Variants in NME7 observed in about 807,000 individuals in gnomAD.
NME7 encodes the protein NME/NM23 family member 7, also known as nucleoside diphosphate kinase 7.
Under a neutral mutation model 49.1 loss-of-function variants are expected in NME7, and 41 were observed. The ratio of observed to expected loss-of-function variants is 0.83; its 90% CI spans 0.65 to 1.08. NME7 has a LOEUF of 1.08. NME7 is among the 50% of genes least tolerant of loss of function. The pLI is 0.00. For missense variants in NME7, 423 were observed against 463.4 expected (o/e 0.91, Z 0.80); for synonymous variants, 139 against 150.6 (o/e 0.92, Z 0.56).
intron 11 of NME7, among the ~76,000 whole-genome samples, chr1:169,158,039 T>G (rs1659129667): frequency 6.6e-6 from 1 of 152,292 alleles, no homozygotes; most frequent in Non-Finnish European, 1.5e-5. Flanking sequence ...TTTTACAAGT[T>G]TTAAAAAAGT....
chr1:169,260,079 T>G (rs1024808502), intron 7 of NME7, among the ~76,000 whole-genome samples: 1 of 133,764 alleles, frequency 7.5e-6, no homozygotes, highest in Admixed American at 7.3e-5. Context: ...TGCTAAGTGT[T>G]AAAAGAGACA....
Position 169,287,402 on chromosome 1 carries a change from C to T in NME7, c.655G>A (p.Glu219Lys). The T allele has an allele frequency of 3.1e-6, 5 of 1,588,812 alleles. No individual in the cohort carries two copies. Among genetic ancestry groups the T allele is most frequent in the Non-Finnish European group, 4.3e-6 (5 of 1,169,296 alleles). Residue 219 changes from glutamate to lysine, a missense_variant, in exon 7 of 12, where the codon GAG becomes AAG. Glu to Lys is a moderately conservative substitution (Grantham distance 56, BLOSUM62 1). Transcript: ENST00000367811. Reference protein sequence around the residue: ...DSFASAAREMELFFPSSGGCG... With the variant: ...DSFASAAREMKLFFPSSGGCG... ...CCTCCACTTGAAGGAAAAAACAACT[C>T]CATTTCCTAAAGACAGAGAGAAATG... is the stretch of plus-strand genomic sequence containing the variant.
At chr1:169,325,963 T>G (rs929717064) in intron 1 of NME7, among the ~76,000 whole-genome samples, 1 of 152,088 alleles carries the variant, frequency 6.6e-6, no homozygotes, top group Non-Finnish European at 1.5e-5. Flanking sequence ...TAGGTTTCAC[T>G]GTGCATTCTA....
At position 169,298,838 on chromosome 1, in the gene NME7, T is replaced by A. The variant is rs549160505; in HGVS notation, c.441-75A>T. On this transcript the variant is annotated intron_variant, in intron 5 of 11. Coordinates refer to ENST00000367811, the MANE Select transcript of NME7 (RefSeq NM_013330.5). ...TATTTGTCTTAACGACAGGATATAT[T>A]TAAATTGGATTATTTCAACATAGAC... 2.4e-5 allele frequency: 27 copies of A among 1,143,436 alleles called. No individual in the cohort carries two copies. In the African/African-American group the frequency reaches 3.6e-4, roughly 15 times the overall value. The allele number at this position is 1,143,436 out of a possible 1,614,324, so 70.8% of individuals were successfully genotyped here. A position where few individuals can be genotyped will look rare whatever the true frequency, so the allele number is the denominator to read the frequency against.
intron 7 of NME7, among the ~76,000 whole-genome samples, chr1:169,253,630 T>G: frequency 6.6e-6 from 1 of 152,222 alleles, no homozygotes; most frequent in Non-Finnish European, 1.5e-5. Flanking sequence ...AGGGCATCCC[T>G]GTCTTGTGCC....
chr1:169,326,539 C>A (rs1238816786), intron 1 of NME7, among the ~76,000 whole-genome samples: 2 of 152,024 alleles, frequency 1.3e-5, no homozygotes, highest in African/African-American at 4.8e-5. Flanking sequence ...TAGAGGGAGC[C>A]CACCAAGGGA....
chr1:169,194,172 C>G (rs77476063), intron 10 of NME7, among the ~76,000 whole-genome samples: 2,207 of 152,120 alleles, frequency 0.015, 48 homozygotes, highest in African/African-American at 0.048. Flanking sequence ...AAAAAGTACA[C>G]TATGGAAGAA....
chr1:169,320,350 A>T (rs576670550), intron 3 of NME7, among the ~76,000 whole-genome samples: 5 of 152,210 alleles, frequency 3.3e-5, no homozygotes, highest in Non-Finnish European at 7.3e-5. Context: ...TTCATGAGTT[A>T]AGCTGAATTA....
At chr1:169,337,488 G>C (rs767194553) in intron 1 of NME7, among the ~76,000 whole-genome samples, 1 of 152,176 alleles carries the variant, frequency 6.6e-6, no homozygotes, top group Non-Finnish European at 1.5e-5. Context: ...AGCTGAGGGA[G>C]TGGGCTCTGG....
At chr1:169,276,515 T>C (rs1369188304) in intron 7 of NME7, among the ~76,000 whole-genome samples, 3 of 133,650 alleles carry the variant, frequency 2.2e-5, no homozygotes, top group African/African-American at 7.6e-5. Flanking sequence ...TTTGTATTTC[T>C]GTGGGATCGG....
chr1:169,204,258 C>G (rs1044578983), intron 10 of NME7, among the ~76,000 whole-genome samples: 4 of 151,110 alleles, frequency 2.6e-5, no homozygotes, highest in African/African-American at 9.7e-5. Flanking sequence ...TCTCAAATGC[C>G]TCAGTACTGG....
intron 1 of NME7, among the ~76,000 whole-genome samples, chr1:169,355,954 G>A (rs1653456028): frequency 6.6e-6 from 1 of 152,102 alleles, no homozygotes; most frequent in Non-Finnish European, 1.5e-5. Context: ...CTCTCTCTCA[G>A]AATAAAAGAG....
intron 10 of NME7, among the ~76,000 whole-genome samples, chr1:169,201,458 G>A (rs1340199943): frequency 6.6e-6 from 1 of 152,114 alleles, no homozygotes; most frequent in Non-Finnish European, 1.5e-5. Flanking sequence ...TGAAGGTATG[G>A]AGACTAATTA....
In NME7 at chr1:169,331,518, G is replaced by A. The variant is rs541427416; in HGVS notation, c.4-7018C>T. ...ATATAAAGGGCATCCAAATTGAAAAGGAAGAAGTCAAATTATCCTTGTTTA... is the reference window on the plus strand; with the variant it reads ...ATATAAAGGGCATCCAAATTGAAAAAGAAGAAGTCAAATTATCCTTGTTTA... On this transcript the variant is annotated intron_variant, in intron 1 of 11. Coordinates refer to ENST00000367811, the MANE Select transcript of NME7 (RefSeq NM_013330.5). 6.7e-4 allele frequency among the ~76,000 whole-genome samples: 102 copies of A among 152,132 alleles called. 1 individual carries two copies. Among genetic ancestry groups the A allele is most frequent in the African/African-American group, 2.3e-3 (94 of 41,516 alleles).
At chr1:169,200,145 G>A (rs1330669850) in intron 10 of NME7, among the ~76,000 whole-genome samples, 1 of 151,548 alleles carries the variant, frequency 6.6e-6, no homozygotes, top group East Asian at 1.9e-4. Flanking sequence ...GTGGGGGTGG[G>A]GGAAAAGGTG....
At chr1:169,243,369 C>T (rs1571319905) in intron 7 of NME7, among the ~76,000 whole-genome samples, 1 of 152,184 alleles carries the variant, frequency 6.6e-6, no homozygotes, top group African/African-American at 2.4e-5. Flanking sequence ...AGGAAGTCTA[C>T]ACAATGAAAG....
intron 3 of NME7, among the ~76,000 whole-genome samples, chr1:169,312,443 C>T (rs1651432620): frequency 6.6e-6 from 1 of 152,226 alleles, no homozygotes; most frequent in Admixed American, 6.5e-5. Context: ...TAGTAATCCT[C>T]TTGCCTGCAC....
At chr1:169,278,572 C>G (rs1005024433) in intron 7 of NME7, among the ~76,000 whole-genome samples, 1 of 152,172 alleles carries the variant, frequency 6.6e-6, no homozygotes, top group Admixed American at 6.5e-5. Context: ...ATTGGTTATT[C>G]TAGTTATACA....
intron 10 of NME7, among the ~76,000 whole-genome samples, chr1:169,228,559 C>T (rs535706973): frequency 2.1e-3 from 312 of 151,288 alleles, no homozygotes; most frequent in Middle Eastern, 6.8e-3. Context: ...CGCCTGTAGT[C>T]CCAGCTACTC....
Sources: allele counts gnomAD v4.1 joint callset (sites outside exome capture counted in the v4.1 genomes callset), GRCh38; gene constraint gnomAD v4.1.1; transcripts MANE v1.5; gene names NCBI Gene and HGNC (gene_info 2026-07-23, HGNC 2026-07-21).